Variants in DPP10 observed in about 807,000 individuals in gnomAD.
The protein encoded by DPP10 is inactive dipeptidyl peptidase 10.
In DPP10, 33 loss-of-function variants were observed where a neutral mutation model predicts 120.9. The observed-to-expected ratio is 0.27, with a 90% CI of 0.21 to 0.37. The LOEUF (loss-of-function observed/expected upper bound fraction) is 0.37, where lower values mean the gene tolerates loss of function less well. Ranked by LOEUF, DPP10 falls within the 10% of genes least tolerant of loss-of-function variation. The pLI, the probability that DPP10 is intolerant of heterozygous loss-of-function variation, is 1.00. For synonymous variants in DPP10, 337 were observed against 326.1 expected (o/e 1.03, Z -0.36); for missense variants, 816 against 942.8 (o/e 0.87, Z 1.76).
chr2:115,095,221 T>G (rs1709614577), intron 1 of DPP10, among the ~76,000 whole-genome samples: 1 of 152,108 alleles, frequency 6.6e-6, no homozygotes, highest in South Asian at 2.1e-4. Context: ...AAGTGGAAAA[T>G]GTGGATAAAA....
At chr2:115,256,836 G>T (rs2059022970) in intron 1 of DPP10, among the ~76,000 whole-genome samples, 1 of 152,088 alleles carries the variant, frequency 6.6e-6, no homozygotes, top group Admixed American at 6.5e-5. Context: ...TCAATTATTT[G>T]CTCCTGCATC....
chr2:115,053,573 A>G (rs1705673843), intron 1 of DPP10, among the ~76,000 whole-genome samples: 1 of 152,236 alleles, frequency 6.6e-6, no homozygotes, highest in Non-Finnish European at 1.5e-5. Context: ...ATTTTACTAA[A>G]GACCACTGAA....
intron 1 of DPP10, among the ~76,000 whole-genome samples, chr2:115,090,007 G>A (rs1166315079): frequency 3.3e-5 from 5 of 151,422 alleles, no homozygotes; most frequent in African/African-American, 1.2e-4. Flanking sequence ...ACATCACAGG[G>A]ACTGCCCAGT....
At chr2:115,265,386 G>A (rs2059418194) in intron 1 of DPP10, among the ~76,000 whole-genome samples, 1 of 151,156 alleles carries the variant, frequency 6.6e-6, no homozygotes, top group Admixed American at 6.6e-5. Flanking sequence ...GTTATTATTA[G>A]GCACTCTGAA....
intron 1 of DPP10, among the ~76,000 whole-genome samples, chr2:115,092,905 T>C (rs1000231000): frequency 3.3e-5 from 5 of 152,160 alleles, no homozygotes; most frequent in Non-Finnish European, 7.4e-5. Context: ...TTTTAGGCAG[T>C]CTAGAGTGAG....
At chr2:115,563,506 C>G (rs2080816774) in intron 5 of DPP10, among the ~76,000 whole-genome samples, 1 of 152,112 alleles carries the variant, frequency 6.6e-6, no homozygotes. Flanking sequence ...CAGCTGTGAA[C>G]AGTGATGTGG....
At chr2:114,840,325 A>G (rs1227779616) in intron 1 of DPP10, among the ~76,000 whole-genome samples, 1 of 152,078 alleles carries the variant, frequency 6.6e-6, no homozygotes, top group East Asian at 1.9e-4. Flanking sequence ...AGGCAACCCA[A>G]AACTCATCAA....
chr2:114,889,210 G>C (rs949949820), intron 1 of DPP10, among the ~76,000 whole-genome samples: 2 of 152,144 alleles, frequency 1.3e-5, no homozygotes, highest in African/African-American at 4.8e-5. Context: ...TGTTGTTCAA[G>C]ACTTGCAGTC....
chr2:114,498,480 C>T (rs1682872547), intron 1 of DPP10, among the ~76,000 whole-genome samples: 2 of 152,198 alleles, frequency 1.3e-5, no homozygotes, highest in South Asian at 4.1e-4. Flanking sequence ...GCTGCTACAA[C>T]AGAATACCAC....
chr2:115,432,704 T>C (rs2071119189), intron 3 of DPP10, among the ~76,000 whole-genome samples: 1 of 150,338 alleles, frequency 6.7e-6, no homozygotes, highest in Non-Finnish European at 1.5e-5. Flanking sequence ...TGTGTGTCTT[T>C]TAGCTCAGTG....
chr2:115,167,477 T>A lies in DPP10; in HGVS notation c.61-141762T>A, dbSNP rs1257604420. On this transcript the variant is annotated intron_variant, in intron 1 of 25. Coordinates refer to ENST00000410059, the MANE Select transcript of DPP10 (RefSeq NM_020868.6). ...AAAGAATTATCAGGGTTTAGTGACA[T>A]ACTCCTGTGGTCCCAGCTACTCAGG... 3.3e-5 allele frequency among the ~76,000 whole-genome samples: 5 copies of A among 152,024 alleles called. No homozygotes were observed. In the East Asian group the frequency reaches 9.7e-4, roughly 29 times the overall value.
chr2:115,316,751 G>A (rs566441540), intron 2 of DPP10, among the ~76,000 whole-genome samples: 2 of 152,148 alleles, frequency 1.3e-5, no homozygotes, highest in Admixed American at 6.5e-5. Flanking sequence ...TTAGAAATGT[G>A]ATATTCTGGC....
chr2:115,004,587 T>C (rs1215758763), intron 1 of DPP10, among the ~76,000 whole-genome samples: 1 of 152,162 alleles, frequency 6.6e-6, no homozygotes, highest in African/African-American at 2.4e-5. Context: ...TTCCCTTTCC[T>C]AATCAAAGAA....
At chr2:115,486,102 A>G (rs1195603256) in intron 3 of DPP10, among the ~76,000 whole-genome samples, 1 of 152,148 alleles carries the variant, frequency 6.6e-6, no homozygotes, top group Non-Finnish European at 1.5e-5. Context: ...CAAATTTTCC[A>G]CAGTGGATTT....
intron 1 of DPP10, among the ~76,000 whole-genome samples, chr2:114,824,925 C>A (rs942089414): frequency 2.0e-5 from 3 of 152,114 alleles, no homozygotes; most frequent in Admixed American, 6.5e-5. Context: ...TAAGATGAAA[C>A]CCTGGTAACC....
At chr2:114,743,467 AG>A (rs1441631640) in intron 1 of DPP10, among the ~76,000 whole-genome samples, 1 of 152,050 alleles carries the variant, frequency 6.6e-6, no homozygotes, top group Non-Finnish European at 1.5e-5. Flanking sequence ...GGATAAAGGC[AG>A]GTAAAATGGA....
intron 1 of DPP10, among the ~76,000 whole-genome samples, chr2:115,107,696 A>T (rs939585958): frequency 2.0e-5 from 3 of 152,100 alleles, no homozygotes; most frequent in Admixed American, 1.3e-4. Context: ...AATGTACTTT[A>T]AAATGCTAAT....
intron 1 of DPP10, among the ~76,000 whole-genome samples, chr2:115,246,503 T>C (rs2058540547): frequency 6.6e-6 from 1 of 152,160 alleles, no homozygotes; most frequent in Non-Finnish European, 1.5e-5. Context: ...GAATGATCAG[T>C]GTGAACAAAT....
rs562877615 is a variant in DPP10 at position 114,707,357 on chromosome 2, T to A, written c.60+264519T>A. Among the ~76,000 whole-genome samples the A allele has an allele frequency of 1.8e-3, 273 of 152,300 alleles. 1 individual carries two copies. The highest frequency in any genetic ancestry group is 5.8e-3 in the African/African-American group (241 of 41,564). ...GTAATCTAATCAGATATAAGAAGCA[T>A]TTAGATAACCAAATTTCAAATTATT... On this transcript the variant is annotated intron_variant, in intron 1 of 25. Transcript: ENST00000410059.
Sources: allele counts gnomAD v4.1 joint callset (sites outside exome capture counted in the v4.1 genomes callset), GRCh38; gene constraint gnomAD v4.1.1; transcripts MANE v1.5; gene names NCBI Gene and HGNC (gene_info 2026-07-23, HGNC 2026-07-21).